REDIC1: variants seen among roughly 807,000 people sequenced by gnomAD.
The protein encoded by REDIC1 is HEI10 Interacting Protein 1.
chr12:39,729,099 C>CA, the REDIC1 span, among the ~76,000 whole-genome samples: 9 of 151,960 alleles, frequency 5.9e-5, no homozygotes, highest in African/African-American at 2.2e-4. Context: ...TTAATCTTTT[C>CA]AAAAAACCAG....
the REDIC1 span, among the ~76,000 whole-genome samples, chr12:39,701,602 A>G: frequency 1.8e-3 from 279 of 152,278 alleles, no homozygotes; most frequent in African/African-American, 6.0e-3. Context: ...ATAGACATCT[A>G]CAGAACTCTC....
At chr12:39,795,206 CTG>C in the REDIC1 span, among the ~76,000 whole-genome samples, 36 of 150,138 alleles carry the variant, frequency 2.4e-4, no homozygotes, top group Non-Finnish European at 2.7e-4. Context: ...CTCTCTCTCT[CTG>C]TGTGTGTCAC....
chr12:39,892,277 C>T, the REDIC1 span, among the ~76,000 whole-genome samples: 1 of 152,202 alleles, frequency 6.6e-6, no homozygotes, highest in African/African-American at 2.4e-5. Context: ...GGCAAGGCCA[C>T]CTTTCCTCAC....
At chr12:39,906,880 A>G in the REDIC1 span, among the ~76,000 whole-genome samples, 1 of 152,128 alleles carries the variant, frequency 6.6e-6, no homozygotes, top group Non-Finnish European at 1.5e-5. Context: ...ATGAGGGAAG[A>G]TAAAGTAAAA....
chr12:39,903,933 A>G, the REDIC1 span, among the ~76,000 whole-genome samples: 1 of 152,036 alleles, frequency 6.6e-6, no homozygotes, highest in Non-Finnish European at 1.5e-5. Context: ...TCATATTTGG[A>G]CTAAAGAACA....
chr12:39,724,680 T>C, the REDIC1 span, among the ~76,000 whole-genome samples: 1 of 152,144 alleles, frequency 6.6e-6, no homozygotes, highest in Non-Finnish European at 1.5e-5. Flanking sequence ...TTTTGTAGTT[T>C]TACCATTCTC....
At chr12:39,885,876 G>C in the REDIC1 span, among the ~76,000 whole-genome samples, 1 of 152,138 alleles carries the variant, frequency 6.6e-6, no homozygotes, top group East Asian at 1.9e-4. Flanking sequence ...TTCATTTCAA[G>C]AGATTCTAAC....
At chr12:39,713,419 CAT>C in the REDIC1 span, among the ~76,000 whole-genome samples, 2 of 8,368 alleles carry the variant, frequency 2.4e-4, no homozygotes, top group African/African-American at 4.1e-4. Flanking sequence ...TACACATATA[CAT>C]ATGTATATAT....
the REDIC1 span, among the ~76,000 whole-genome samples, chr12:39,897,442 T>C: frequency 1.4e-4 from 21 of 152,314 alleles, no homozygotes; most frequent in Admixed American, 1.0e-3. Flanking sequence ...TCCACTGCTA[T>C]AAGTAGGATG....
chr12:39,788,960 C>T, the REDIC1 span, among the ~76,000 whole-genome samples: 3 of 151,900 alleles, frequency 2.0e-5, no homozygotes, highest in Non-Finnish European at 2.9e-5. Flanking sequence ...TGTGTGTGTG[C>T]GCAAACAAAA....
At chr12:39,838,897 C>T in the REDIC1 span, among the ~76,000 whole-genome samples, 3 of 152,032 alleles carry the variant, frequency 2.0e-5, no homozygotes, top group South Asian at 6.2e-4. Context: ...GCACTAAGAA[C>T]AGTGTTTGAT....
chr12:39,691,319 A>T, the REDIC1 span, among the ~76,000 whole-genome samples: 1 of 152,194 alleles, frequency 6.6e-6, no homozygotes, highest in Non-Finnish European at 1.5e-5. Flanking sequence ...TTTATTTTAT[A>T]TATCTAAAAT....
the REDIC1 span, among the ~76,000 whole-genome samples, chr12:39,825,730 G>A: frequency 1.3e-5 from 2 of 151,976 alleles, no homozygotes; most frequent in Admixed American, 1.3e-4. Context: ...TATTGCAAGA[G>A]GTTTCCACAT....
chr12:39,750,574 A>G, the REDIC1 span, among the ~76,000 whole-genome samples: 2 of 152,216 alleles, frequency 1.3e-5, no homozygotes, highest in African/African-American at 4.8e-5. Flanking sequence ...TAAAGTTCAT[A>G]TGGAACCAAA....
At chr12:39,791,060 T>C in the REDIC1 span, among the ~76,000 whole-genome samples, 1 of 139,824 alleles carries the variant, frequency 7.2e-6, no homozygotes, top group Non-Finnish European at 1.6e-5. Context: ...CACTTTTTGA[T>C]GGGGTTGTTT....
the REDIC1 span, among the ~76,000 whole-genome samples, chr12:39,881,256 A>T: frequency 2.6e-5 from 4 of 152,292 alleles, no homozygotes; most frequent in Middle Eastern, 3.4e-3. Context: ...GGGTTTCTTC[A>T]TATGTGTCTT....
chr12:39,675,837 G>T, the REDIC1 span, among the ~76,000 whole-genome samples: 2 of 152,202 alleles, frequency 1.3e-5, no homozygotes, highest in East Asian at 3.9e-4. Context: ...TAGCCTCACT[G>T]GGGGGCTAGA....
the REDIC1 span, among the ~76,000 whole-genome samples, chr12:39,867,644 T>C: frequency 6.6e-6 from 1 of 152,192 alleles, no homozygotes; most frequent in East Asian, 1.9e-4. Flanking sequence ...AGAAAATTCC[T>C]AAATAGGTAA....
chr12:39,809,386 T>C, the REDIC1 span, among the ~76,000 whole-genome samples: 4 of 152,318 alleles, frequency 2.6e-5, no homozygotes, highest in East Asian at 7.7e-4. Context: ...TCCAGTTCTT[T>C]TGCATTTCTA....
Sources: allele counts gnomAD v4.1 joint callset (sites outside exome capture counted in the v4.1 genomes callset), GRCh38; gene constraint gnomAD v4.1.1; transcripts MANE v1.5; gene names NCBI Gene and HGNC (gene_info 2026-07-23, HGNC 2026-07-21).